Variants in ARHGAP6 observed in about 807,000 individuals in gnomAD.
ARHGAP6 encodes the protein rho GTPase-activating protein 6.
ARHGAP6 carries 16 observed loss-of-function variants against 55.7 expected under a neutral mutation model. The observed-to-expected ratio is 0.29, with a 90% CI of 0.19 to 0.44. ARHGAP6 has a LOEUF of 0.44. ARHGAP6 is among the 20% of genes least tolerant of loss of function. ARHGAP6 has a pLI of 1.00. For missense variants in ARHGAP6, 698 were observed against 808.9 expected, an observed-to-expected ratio of 0.86 and a Z score of 1.66; for synonymous variants, 382 against 360.9, an observed-to-expected ratio of 1.06 and a Z score of -0.66.
At chrX:11,500,796 T>C (rs1019825761) in intron 1 of ARHGAP6, among the ~76,000 whole-genome samples, 1 of 110,201 alleles carries the variant, frequency 9.1e-6, no homozygotes, top group African/African-American at 3.3e-5. Context: ...GAATCTCAAG[T>C]GGAGCTCAGC....
At chrX:11,320,371 T>C (rs1292609344) in intron 1 of ARHGAP6, among the ~76,000 whole-genome samples, 1 of 111,979 alleles carries the variant, frequency 8.9e-6, no homozygotes, top group Non-Finnish European at 1.9e-5. Flanking sequence ...TTGGTAATTT[T>C]AATGGATAAA....
chrX:11,187,868 A>G (rs1365269051), intron 4 of ARHGAP6, among the ~76,000 whole-genome samples: 1 of 111,279 alleles, frequency 9.0e-6, no homozygotes, highest in African/African-American at 3.3e-5. Context: ...ATCTCTACTA[A>G]AAATAATAAT....
At chrX:11,164,205 A>G (rs1455102760) in intron 9 of ARHGAP6, among the ~76,000 whole-genome samples, 1 of 112,463 alleles carries the variant, frequency 8.9e-6, no homozygotes, top group African/African-American at 3.2e-5. Flanking sequence ...GAGATACCAC[A>G]TCAAAATGCC....
chrX:11,538,848 G>GT (rs200129874), intron 1 of ARHGAP6, among the ~76,000 whole-genome samples: 1,734 of 88,095 alleles, frequency 0.02, 10 homozygotes, highest in Middle Eastern at 0.084. Flanking sequence ...GTGTGTGTGT[G>GT]GTTTTTTTTT....
chrX:11,575,939 G>A (rs747723712), intron 1 of ARHGAP6, among the ~76,000 whole-genome samples: 2 of 112,155 alleles, frequency 1.8e-5, no homozygotes, highest in Non-Finnish European at 3.8e-5. Context: ...ACAGATCCAG[G>A]ATTTGAACTC....
At chrX:11,450,168 T>C (rs146618869) in intron 1 of ARHGAP6, among the ~76,000 whole-genome samples, 1,224 of 110,313 alleles carry the variant, frequency 0.011, 21 homozygotes, top group African/African-American at 0.038. Context: ...GATAAGTGAT[T>C]TATGCTTGAA....
intron 2 of ARHGAP6, among the ~76,000 whole-genome samples, chrX:11,253,257 CA>C (rs2047446407): frequency 9.0e-6 from 1 of 110,811 alleles, no homozygotes; most frequent in Admixed American, 9.5e-5. Context: ...GCATGGGGAG[CA>C]AAATCAACCC....
intron 1 of ARHGAP6, among the ~76,000 whole-genome samples, chrX:11,501,659 G>A (rs1371827701): frequency 2.7e-5 from 3 of 111,517 alleles, no homozygotes; most frequent in Middle Eastern, 4.6e-3. Flanking sequence ...ATAAACAGTC[G>A]ATTAACACTT....
At chrX:11,627,332 G>A (rs2052310011) in intron 1 of ARHGAP6, among the ~76,000 whole-genome samples, 1 of 111,194 alleles carries the variant, frequency 9.0e-6, no homozygotes, top group Admixed American at 9.6e-5. Flanking sequence ...AAATGAAGAA[G>A]TGTTGAAGAA....
chrX:11,479,690 C>G (rs2050436866), intron 1 of ARHGAP6, among the ~76,000 whole-genome samples: 1 of 111,618 alleles, frequency 9.0e-6, no homozygotes. Context: ...TGGGTTCTGC[C>G]AATTATGTAG....
chrX:11,339,877 TCACCCACC>T (rs1313212219), intron 1 of ARHGAP6, among the ~76,000 whole-genome samples: 2 of 112,032 alleles, frequency 1.8e-5, no homozygotes, highest in Non-Finnish European at 3.8e-5. Flanking sequence ...GTAAATAGCA[TCACCCACC>T]CAGTTGCTCA....
At chrX:11,526,853 A>T (rs1039433975) in intron 1 of ARHGAP6, among the ~76,000 whole-genome samples, 2 of 111,971 alleles carry the variant, frequency 1.8e-5, no homozygotes, top group Non-Finnish European at 3.8e-5. Flanking sequence ...TCATTATATT[A>T]TATCAGACAA....
intron 1 of ARHGAP6, among the ~76,000 whole-genome samples, chrX:11,361,851 A>T (rs1451896038): frequency 2.7e-5 from 3 of 112,382 alleles, no homozygotes; most frequent in African/African-American, 9.7e-5. Flanking sequence ...GAAGGATATG[A>T]ACAGACACTT....
intron 1 of ARHGAP6, among the ~76,000 whole-genome samples, chrX:11,559,909 CAG>C (rs1304682543): frequency 1.0e-5 from 1 of 98,186 alleles, no homozygotes; most frequent in African/African-American, 3.8e-5. Flanking sequence ...GCCTGGGCGA[CAG>C]AGTGAGACTC....
intron 1 of ARHGAP6, among the ~76,000 whole-genome samples, chrX:11,483,907 CAG>C (rs1387270704): frequency 9.0e-6 from 1 of 111,540 alleles, no homozygotes; most frequent in Non-Finnish European, 1.9e-5. Context: ...GGGAGGGAAA[CAG>C]AGCTGAGAGA....
At chrX:11,505,670 T>C (rs1603235181) in intron 1 of ARHGAP6, among the ~76,000 whole-genome samples, 1 of 111,331 alleles carries the variant, frequency 9.0e-6, no homozygotes, top group East Asian at 2.8e-4. Context: ...CAATGACATA[T>C]TGGATAAAGA....
At chrX:11,484,719 T>TA (rs1340843294) in intron 1 of ARHGAP6, among the ~76,000 whole-genome samples, 1 of 112,205 alleles carries the variant, frequency 8.9e-6, no homozygotes, top group Non-Finnish European at 1.9e-5. Context: ...CCCACTCCAT[T>TA]AAAAAATTAA....
At chrX:11,442,045 A>G (rs1012850059) in intron 1 of ARHGAP6, among the ~76,000 whole-genome samples, 1 of 111,969 alleles carries the variant, frequency 8.9e-6, no homozygotes, top group Non-Finnish European at 1.9e-5. Flanking sequence ...TAACTAGTAC[A>G]TCTTATGTAT....
At chrX:11,517,519 G>A (rs1313351951) in intron 1 of ARHGAP6, among the ~76,000 whole-genome samples, 1 of 111,436 alleles carries the variant, frequency 9.0e-6, no homozygotes, top group Non-Finnish European at 1.9e-5. Flanking sequence ...AGGTTCAACT[G>A]TCATGTCTAT....
Sources: allele counts gnomAD v4.1 joint callset (sites outside exome capture counted in the v4.1 genomes callset), GRCh38; gene constraint gnomAD v4.1.1; transcripts MANE v1.5; gene names NCBI Gene and HGNC (gene_info 2026-07-23, HGNC 2026-07-21).